Variants in BLNK observed in about 807,000 individuals in gnomAD.
The protein encoded by BLNK is B-cell linker protein.
In BLNK, 29 loss-of-function variants were observed where a neutral mutation model predicts 73.5. The ratio of observed to expected loss-of-function variants is 0.39; its 90% CI spans 0.29 to 0.54. The LOEUF is 0.54. Ranked by LOEUF, BLNK falls within the 20% of genes least tolerant of loss-of-function variation. BLNK has a pLI of 0.61. For missense variants in BLNK, 460 were observed against 562.8 expected, an observed-to-expected ratio of 0.82 and a Z score of 1.85; for synonymous variants, 176 against 200.8, an observed-to-expected ratio of 0.88 and a Z score of 1.04.
At chr10:96,234,446 G>A (rs911875598) in intron 3 of BLNK, among the ~76,000 whole-genome samples, 5 of 152,188 alleles carry the variant, frequency 3.3e-5, no homozygotes, top group Non-Finnish European at 7.3e-5. Flanking sequence ...CAGTATCTCA[G>A]GGAGCTTCCC....
In BLNK at chr10:96,268,941, A is replaced by C. The variant is rs185197442; in HGVS notation, c.47+2411T>G. 2.4e-3 allele frequency among the ~76,000 whole-genome samples: 358 copies of C among 152,320 alleles called. 1 individual carries two copies. The highest frequency in any genetic ancestry group is 3.9e-3 in the Non-Finnish European group (266 of 68,026). ...GTGCCAAATAATTACATGGTTAATC[A>C]ACCTTCAGAATTGATGTCAACCAGT... On this transcript the variant is annotated intron_variant, in intron 1 of 16. Transcript: ENST00000224337.
chr10:96,236,964 T>A lies in BLNK; in HGVS notation c.163+5771A>T, dbSNP rs149396329. Among the ~76,000 whole-genome samples the A allele has an allele frequency of 1.5e-4, 23 of 152,362 alleles. No homozygotes were observed. The East Asian group carries it at 3.9e-3, about 26-fold the overall frequency. On this transcript the variant is annotated intron_variant, in intron 3 of 16. Transcript: ENST00000224337. ...AGTCCTGGCTCAGCCATCACCTCAC[T>A]GCATGACCTCAGGAGTCACTTTGCC...
chr10:96,190,982 A>G lies in BLNK; in HGVS notation c.*991T>C, dbSNP rs2083318778. Among the ~76,000 whole-genome samples the G allele has an allele frequency of 6.6e-6, 1 of 152,116 alleles. No homozygotes were observed. The highest frequency in any genetic ancestry group is 2.1e-4 in the South Asian group (1 of 4,816). On this transcript the variant is annotated 3_prime_UTR_variant, in exon 17 of 17. Coordinates refer to ENST00000224337, the MANE Select transcript of BLNK (RefSeq NM_013314.4). ...TGTCCTCACCCAAATCTCATCTTGA[A>G]TTGTAGCTCCCATAATCCCCACGTG... is the stretch of plus-strand genomic sequence containing the variant.
intron 1 of BLNK, among the ~76,000 whole-genome samples, chr10:96,250,209 A>G (rs1431113942): frequency 6.6e-6 from 1 of 152,178 alleles, no homozygotes; most frequent in Non-Finnish European, 1.5e-5. Context: ...TGGTTGAGAG[A>G]CACACAGAGG....
At chr10:96,239,048 A>G in intron 3 of BLNK, 1 of 398,464 alleles carries the variant, frequency 2.5e-6, no homozygotes, top group Non-Finnish European at 4.4e-6. Flanking sequence ...TGGGAATCAA[A>G]CTTTGTGTTG....
intron 1 of BLNK, among the ~76,000 whole-genome samples, chr10:96,256,427 A>G (rs2134121879): frequency 6.6e-6 from 1 of 152,326 alleles, no homozygotes; most frequent in African/African-American, 2.4e-5. Context: ...AATGTTCATC[A>G]TTAGGTCTGC....
chr10:96,210,294 G>T (rs2083916956), intron 8 of BLNK: 2 of 293,956 alleles, frequency 6.8e-6, no homozygotes, highest in Admixed American at 8.8e-5. Context: ...TGTGCACACT[G>T]CACAAATGTG....
intron 3 of BLNK, among the ~76,000 whole-genome samples, chr10:96,233,875 A>C (rs1348777462): frequency 6.6e-6 from 1 of 152,248 alleles, no homozygotes; most frequent in African/African-American, 2.4e-5. Flanking sequence ...AAATGTGTGA[A>C]CTAATAAATG....
chr10:96,269,350 A>G (rs1478364236), intron 1 of BLNK, among the ~76,000 whole-genome samples: 2 of 151,390 alleles, frequency 1.3e-5, no homozygotes, highest in Non-Finnish European at 2.9e-5. Context: ...CCTTTACTTA[A>G]ATTCCCACCT....
chr10:96,245,933 G>A (rs1463336347), intron 2 of BLNK, among the ~76,000 whole-genome samples: 1 of 152,120 alleles, frequency 6.6e-6, no homozygotes, highest in South Asian at 2.1e-4. Context: ...GGGAGATTTT[G>A]ACATCATACA....
intron 5 of BLNK, among the ~76,000 whole-genome samples, chr10:96,226,843 C>G (rs1350287977): frequency 6.7e-6 from 1 of 149,550 alleles, no homozygotes; most frequent in African/African-American, 2.5e-5. Context: ...CGCAAAAAAA[C>G]AAAACAAAAC....
Position 96,192,000 on chromosome 10 carries a change from T to G in BLNK, c.1344A>C (p.Arg448Ser), listed in dbSNP as rs1212284881. The G allele has an allele frequency of 6.2e-7, 1 of 1,613,654 alleles. No homozygotes were observed. Among genetic ancestry groups the G allele is most frequent in the Non-Finnish European group, 8.5e-7 (1 of 1,179,808 alleles). ...ATGAAACTTTAACTGCATACTTCAG[T>G]CTGGTGGAATCTTTTGTGTTATTCT... ...DSQNNTKDSTRLKYAVKVS is the reference protein window; with the variant it reads ...DSQNNTKDSTSLKYAVKVS The change falls in exon 17 of 17, where the codon AGA (arginine) becomes AGC (serine). Residue 448 changes from arginine (R) to serine (S), a missense_variant. This residue lies in a region of BLNK where 88 missense variants were observed against 143.4 expected (regional missense o/e 0.61). Coordinates refer to ENST00000224337, the MANE Select transcript of BLNK (RefSeq NM_013314.4).
chr10:96,225,125 G>C (rs1048109536), intron 5 of BLNK, among the ~76,000 whole-genome samples: 1 of 152,226 alleles, frequency 6.6e-6, no homozygotes, highest in African/African-American at 2.4e-5. Flanking sequence ...TATCACCTGT[G>C]CCATGTGAGA....
intron 13 of BLNK, chr10:96,203,430 T>C (rs891616568): frequency 6.6e-6 from 1 of 152,218 alleles, no homozygotes; most frequent in East Asian, 1.9e-4. Context: ...GGATTTAAGC[T>C]TTATTATTTT....
chr10:96,242,132 A>T (rs1842899421), intron 3 of BLNK, among the ~76,000 whole-genome samples: 1 of 152,068 alleles, frequency 6.6e-6, no homozygotes, highest in Non-Finnish European at 1.5e-5. Flanking sequence ...CTTGTAGGAG[A>T]TAATTGAATC....
intron 16 of BLNK, among the ~76,000 whole-genome samples, chr10:96,195,715 C>T (rs2083448574): frequency 6.6e-6 from 1 of 152,156 alleles, no homozygotes; most frequent in South Asian, 2.1e-4. Flanking sequence ...TGAACAAGTT[C>T]TGGAGATCTG....
chr10:96,243,140 A>G (rs1340789359), intron 2 of BLNK, among the ~76,000 whole-genome samples: 2 of 152,242 alleles, frequency 1.3e-5, no homozygotes, highest in Non-Finnish European at 2.9e-5. Flanking sequence ...ATAAGAAGGT[A>G]AGATAAGATG....
chr10:96,197,568 G>A (rs11188660), intron 15 of BLNK, among the ~76,000 whole-genome samples: 48,322 of 151,978 alleles, frequency 0.32, 8,883 homozygotes, highest in East Asian at 0.66. Context: ...GGACTCTCTT[G>A]AACTGGGAAC....
intron 13 of BLNK, among the ~76,000 whole-genome samples, chr10:96,202,935 G>A (rs2133958376): frequency 6.6e-6 from 1 of 152,272 alleles, no homozygotes; most frequent in South Asian, 2.1e-4. Context: ...AGACCATCCT[G>A]TCTACAGCAG....
Sources: allele counts gnomAD v4.1 joint callset (sites outside exome capture counted in the v4.1 genomes callset), GRCh38; gene constraint gnomAD v4.1.1; regional missense constraint gnomAD v4.1.1; transcripts MANE v1.5; gene names NCBI Gene and HGNC (gene_info 2026-07-23, HGNC 2026-07-21).